YEATS2: variants seen among roughly 807,000 people sequenced by gnomAD.
YEATS2 encodes the protein YEATS domain containing 2.
Under a neutral mutation model 163.2 loss-of-function variants are expected in YEATS2, and 77 were observed. The ratio of observed to expected loss-of-function variants is 0.47; its 90% CI spans 0.39 to 0.57. The LOEUF (loss-of-function observed/expected upper bound fraction) is 0.57, where lower values mean the gene tolerates loss of function less well. Among genes scored for constraint, YEATS2 ranks in the 20% least tolerant of loss-of-function variants. The pLI is 0.00. For missense variants in YEATS2, 1,549 were observed against 1,729.8 expected, an observed-to-expected ratio of 0.90 and a Z score of 1.85; for synonymous variants, 631 against 645.1, an observed-to-expected ratio of 0.98 and a Z score of 0.33.
At chr3:183,763,387 A>T (rs1721578401) in intron 15 of YEATS2, among the ~76,000 whole-genome samples, 1 of 152,232 alleles carries the variant, frequency 6.6e-6, no homozygotes, top group Non-Finnish European at 1.5e-5. Context: ...ACAGTGTTAT[A>T]ATCTTATGGG....
intron 20 of YEATS2, among the ~76,000 whole-genome samples, chr3:183,789,293 A>G (rs1724358814): frequency 6.6e-6 from 1 of 152,068 alleles, no homozygotes; most frequent in Non-Finnish European, 1.5e-5. Context: ...TTTTGATTGC[A>G]TGGTGAGAGC....
At position 183,730,052 on chromosome 3, in the gene YEATS2, GTT is replaced by G. The variant is rs869091775; in HGVS notation, c.812+1235_812+1236del. On this transcript the variant is annotated intron_variant, in intron 7 of 30. Coordinates refer to ENST00000305135, the MANE Select transcript of YEATS2 (RefSeq NM_018023.5). ...ATATTAATTGTGTGGTTTTTTGTTT[GTT>G]TTTTTTTTTTTTTTTTTTTTTTTTT... Among the ~76,000 whole-genome samples, 352 of 41,604 alleles carry G rather than the reference GTT, an allele frequency of 8.5e-3. 5 individuals are homozygous for G. Among genetic ancestry groups the G allele is most frequent in the Middle Eastern group, 0.028 (1 of 36 alleles). 27.3% of individuals were successfully genotyped at this position (41,604 alleles called of 152,430 possible). A position where few individuals can be genotyped will look rare whatever the true frequency, so the allele number is the denominator to read the frequency against.
intron 8 of YEATS2, among the ~76,000 whole-genome samples, chr3:183,743,785 G>A (rs1247885790): frequency 6.6e-6 from 1 of 152,050 alleles, no homozygotes; most frequent in African/African-American, 2.4e-5. Context: ...CTTACTTTGT[G>A]GTTTATCACA....
chr3:183,698,362 A>G (rs1713706786), intron 1 of YEATS2, among the ~76,000 whole-genome samples: 1 of 152,090 alleles, frequency 6.6e-6, no homozygotes, highest in Non-Finnish European at 1.5e-5. Flanking sequence ...TACCGAAAGG[A>G]TCCTGGAATG....
chr3:183,700,182 G>T (rs1354367873), intron 1 of YEATS2, among the ~76,000 whole-genome samples: 1 of 152,090 alleles, frequency 6.6e-6, no homozygotes, highest in African/African-American at 2.4e-5. Flanking sequence ...TTGACATACA[G>T]CATGCAGAGT....
intron 21 of YEATS2, chr3:183,793,398 G>T: frequency 9.4e-7 from 1 of 1,060,118 alleles, no homozygotes; most frequent in South Asian, 3.0e-5. Flanking sequence ...AGTATAGGGA[G>T]TACTTGTTCT....
chr3:183,798,105 G>C, intron 22 of YEATS2, 54 bp downstream of exon 22: 4 of 1,601,850 alleles, frequency 2.5e-6, no homozygotes, highest in Admixed American at 1.7e-5. Flanking sequence ...ACATCTCCCC[G>C]CATTTACCAG....
At chr3:183,717,859 G>C (rs1410627890) in intron 3 of YEATS2, 111 bp downstream of exon 3, 3 of 362,190 alleles carry the variant, frequency 8.3e-6, no homozygotes, top group Admixed American at 6.2e-5. Context: ...CCTCCTCTTT[G>C]CTTTTTTTTT....
In YEATS2 at chr3:183,806,936, A is replaced by G. The variant is rs780029380; in HGVS notation, c.3855A>G (p.Lys1285=). ...RKLEDLQQFQ[K]REPENEEEVD... ...TGGAGGACCTGCAACAGTTCCAGAAAAGGGAACCCGAGAATGAGGAGGAGG... is the reference window on the plus strand; with the variant it reads ...TGGAGGACCTGCAACAGTTCCAGAAGAGGGAACCCGAGAATGAGGAGGAGG... The change falls in exon 28 of 31, where the codon AAA becomes AAG. Residue 1285 remains lysine (K), a synonymous_variant. Coordinates refer to ENST00000305135, the MANE Select transcript of YEATS2 (RefSeq NM_018023.5). 2 of 1,614,166 alleles carry G rather than the reference A, an allele frequency of 1.2e-6. No homozygotes were observed. Among genetic ancestry groups the G allele is most frequent in the South Asian group, 1.1e-5 (1 of 91,086 alleles).
intron 19 of YEATS2, among the ~76,000 whole-genome samples, chr3:183,784,577 T>C (rs1381596655): frequency 6.6e-6 from 1 of 152,210 alleles, no homozygotes; most frequent in Non-Finnish European, 1.5e-5. Flanking sequence ...ATAGTTTCTT[T>C]TGCTGTGCAG....
intron 26 of YEATS2, 93 bp from the exon 27 acceptor site, chr3:183,803,894 T>G: frequency 1.5e-6 from 2 of 1,340,656 alleles, no homozygotes; most frequent in Non-Finnish European, 2.0e-6. Context: ...TCTAACAGGT[T>G]AGGTTAGGAT....
At chr3:183,714,267 C>T (rs570787161) in intron 1 of YEATS2, among the ~76,000 whole-genome samples, 4 of 150,514 alleles carry the variant, frequency 2.7e-5, no homozygotes, top group African/African-American at 9.8e-5. Context: ...GCGATCTCAG[C>T]TCACTGCAAG....
At chr3:183,748,989 C>G (rs1368088454) in intron 9 of YEATS2, among the ~76,000 whole-genome samples, 1 of 152,038 alleles carries the variant, frequency 6.6e-6, no homozygotes, top group Non-Finnish European at 1.5e-5. Context: ...GTCGCCCAGT[C>G]TGGAGTGCGG....
Position 183,773,406 on chromosome 3 carries a change from C to T in YEATS2, c.2207-227C>T, listed in dbSNP as rs901346639. Among the ~76,000 whole-genome samples, 3 of 152,204 alleles carry T rather than the reference C, an allele frequency of 2.0e-5. No homozygotes were observed. The South Asian group carries it at 6.2e-4, about 32-fold the overall frequency. ...GGACGTACGATCATCCTATTATATA[C>T]AGATATAAAGAGCCTCTGGCAGGCT... On this transcript the variant is annotated intron_variant, in intron 16 of 30. Coordinates refer to ENST00000305135, the MANE Select transcript of YEATS2 (RefSeq NM_018023.5).
chr3:183,790,804 G>A lies in YEATS2; in HGVS notation c.2921G>A (p.Gly974Glu), dbSNP rs1289968005. ...SANGPAQQSE[G>E]MAPVSSSTVS... is the part of the protein sequence containing the mutation. ...GACCCCATGGGTGAGCAGTCTGAAGGAATGGCTCCCGTGTCTTCATCTACG... is the reference window on the plus strand; with the variant it reads ...GACCCCATGGGTGAGCAGTCTGAAGAAATGGCTCCCGTGTCTTCATCTACG... Residue 974 changes from glycine to glutamate, a missense_variant, in exon 21 of 31, where the codon GGA becomes GAA. Coordinates refer to ENST00000305135, the MANE Select transcript of YEATS2 (RefSeq NM_018023.5). The A allele has an allele frequency of 5.6e-6, 9 of 1,613,652 alleles. No individual in the cohort carries two copies. The highest frequency in any genetic ancestry group is 7.6e-6 in the Non-Finnish European group (9 of 1,179,736).
At position 183,777,670 on chromosome 3, in the gene YEATS2, C is replaced by T. The variant is rs1274931339; in HGVS notation, c.2706C>T (p.Ile902=). The stretch of plus-strand genomic sequence containing the variant: ...AAGGACAACAAACGCTAAAAGTCAT[C>T]TCTGGACAGAAAACCACATTGTTTA... ...SAQGQQTLKV[I]SGQKTTLFTQ... Residue 902 remains isoleucine (I), a synonymous_variant, in exon 19 of 31, where the codon ATC becomes ATT. Coordinates refer to ENST00000305135, the MANE Select transcript of YEATS2 (RefSeq NM_018023.5). The T allele has an allele frequency of 6.2e-7, 1 of 1,614,062 alleles. No homozygotes were observed. The highest frequency in any genetic ancestry group is 1.3e-5 in the African/African-American group (1 of 74,906).
At chr3:183,807,995 C>T (rs761971530) in intron 28 of YEATS2, 35 bp from the exon 29 acceptor site, 27 of 1,523,880 alleles carry the variant, frequency 1.8e-5, no homozygotes, top group Middle Eastern at 3.3e-4. Context: ...TCTAAAGCAG[C>T]GATACGAACA....
intron 7 of YEATS2, among the ~76,000 whole-genome samples, chr3:183,730,875 G>A (rs919051650): frequency 3.3e-5 from 5 of 152,168 alleles, no homozygotes; most frequent in Non-Finnish European, 7.3e-5. Context: ...TGTAAGCTGA[G>A]TAAGGAGAGA....
intron 1 of YEATS2, among the ~76,000 whole-genome samples, chr3:183,711,029 A>G (rs1274990252): frequency 2.6e-5 from 4 of 152,298 alleles, no homozygotes; most frequent in African/African-American, 9.6e-5. Flanking sequence ...TTAGATTCCT[A>G]TCTGCATTAA....
Sources: allele counts gnomAD v4.1 joint callset (sites outside exome capture counted in the v4.1 genomes callset), GRCh38; gene constraint gnomAD v4.1.1; transcripts MANE v1.5; gene names NCBI Gene and HGNC (gene_info 2026-07-23, HGNC 2026-07-21).